Variants in LEMD1 observed in about 807,000 individuals in gnomAD.
The protein encoded by LEMD1 is LEM domain containing 1.
In LEMD1, 18 loss-of-function variants were observed where a neutral mutation model predicts 17.4. The observed-to-expected ratio is 1.04, with a 90% CI of 0.72 to 1.54. The LOEUF is 1.54. Among genes scored for constraint, LEMD1 ranks in the 40% most tolerant of loss-of-function variants. LEMD1 has a pLI of 0.00. For missense variants in LEMD1, 195 were observed against 210.4 expected (o/e 0.93, Z 0.45); for synonymous variants, 88 against 77.8 (o/e 1.13, Z -0.69).
intron 5 of LEMD1, among the ~76,000 whole-genome samples, chr1:205,383,949 A>ATTT (rs112731126): frequency 8.6e-4 from 113 of 130,810 alleles, no homozygotes; most frequent in Non-Finnish European, 1.3e-3. Flanking sequence ...TATCCTTTAC[A>ATTT]TTTTTTTTTT....
intron 1 of LEMD1, among the ~76,000 whole-genome samples, chr1:205,442,601 T>C (rs1575009050): frequency 2.0e-5 from 3 of 152,214 alleles, no homozygotes; most frequent in Admixed American, 2.0e-4. Context: ...CTGTAATTAA[T>C]AGGTGCAATG....
intron 1 of LEMD1, among the ~76,000 whole-genome samples, chr1:205,431,535 GACA>G (rs1371195013): frequency 5.3e-5 from 8 of 152,194 alleles, no homozygotes; most frequent in South Asian, 2.1e-4. Context: ...AGATAGTAAA[GACA>G]ACAAGTCTTG....
chr1:205,402,844 A>T (rs1389848635), intron 4 of LEMD1, among the ~76,000 whole-genome samples: 1 of 151,806 alleles, frequency 6.6e-6, no homozygotes, highest in African/African-American at 2.4e-5. Context: ...GGTTTGTCAT[A>T]GATAGCTCTT....
intron 1 of LEMD1, among the ~76,000 whole-genome samples, chr1:205,446,510 C>A (rs1666391467): frequency 6.6e-6 from 1 of 152,220 alleles, no homozygotes; most frequent in South Asian, 2.1e-4. Context: ...TACCCTTCCT[C>A]CTAGGCTGAG....
At chr1:205,405,109 G>A (rs1463817483) in intron 4 of LEMD1, among the ~76,000 whole-genome samples, 10 of 152,252 alleles carry the variant, frequency 6.6e-5, no homozygotes, top group African/African-American at 2.2e-4. Context: ...TGGGTAACCC[G>A]ACTTTTCTCT....
chr1:205,400,151 T>G (rs971799179), intron 4 of LEMD1, among the ~76,000 whole-genome samples: 1 of 152,168 alleles, frequency 6.6e-6, no homozygotes, highest in Admixed American at 6.6e-5. Flanking sequence ...AGCCTCAATC[T>G]CCCAGGCTCA....
chr1:205,434,414 G>A (rs893660152), intron 1 of LEMD1, among the ~76,000 whole-genome samples: 1 of 151,018 alleles, frequency 6.6e-6, no homozygotes, highest in South Asian at 2.1e-4. Context: ...TGCCCAGGCT[G>A]GTCTTAACTC....
upstream of LEMD1, among the ~76,000 whole-genome samples, chr1:205,424,874 C>T (rs1278880688): frequency 6.6e-6 from 1 of 152,082 alleles, no homozygotes; most frequent in African/African-American, 2.4e-5. Context: ...AGTTTGATAT[C>T]GAGTGGAGGA....
At chr1:205,427,531 G>A (rs983437325) in intron 1 of LEMD1, among the ~76,000 whole-genome samples, 4 of 151,984 alleles carry the variant, frequency 2.6e-5, no homozygotes, top group East Asian at 3.9e-4. Flanking sequence ...CAGACAGAGC[G>A]CACACTCAAG....
At chr1:205,384,483 A>G (rs910232473) in intron 4 of LEMD1, 119 bp from the exon 5 acceptor site, 1 of 557,244 alleles carries the variant, frequency 1.8e-6, no homozygotes, top group Middle Eastern at 3.5e-4. Context: ...CACATTAGGT[A>G]GTTTGGTACT....
intron 1 of LEMD1, chr1:205,449,823 C>G (rs1666463971): frequency 6.6e-6 from 1 of 152,512 alleles, no homozygotes; most frequent in Non-Finnish European, 1.5e-5. Flanking sequence ...AGCTCCCTCC[C>G]AAGGGATGCT....
At chr1:205,403,509 G>C (rs941609502) in intron 4 of LEMD1, among the ~76,000 whole-genome samples, 2 of 151,858 alleles carry the variant, frequency 1.3e-5, no homozygotes, top group African/African-American at 2.4e-5. Context: ...GTAGTATTCT[G>C]TGATGGTAGT....
intron 4 of LEMD1, among the ~76,000 whole-genome samples, chr1:205,410,903 G>C (rs1485768366): frequency 6.6e-6 from 1 of 150,822 alleles, no homozygotes; most frequent in East Asian, 2.0e-4. Flanking sequence ...GCAAAGGAAG[G>C]AAGGAAGGAA....
rs981740883 is a variant in LEMD1 at position 205,381,458 on chromosome 1, T to C, written c.*200A>G. The C allele has an allele frequency of 1.3e-5, 8 of 600,548 alleles. No homozygotes were observed. Among genetic ancestry groups the C allele is most frequent in the South Asian group, 9.9e-5 (5 of 50,730 alleles). 37.2% of individuals were successfully genotyped at this position (600,548 alleles called of 1,614,324 possible). On this transcript the variant is annotated 3_prime_UTR_variant, in exon 6 of 6. Coordinates refer to ENST00000367153, the MANE Select transcript of LEMD1 (RefSeq NM_001199050.2). ...GACTTGGGGGATTTCCTAACCATCA[T>C]GCTCTTAACACAGGTGCCTGGTTAG...
intron 1 of LEMD1, among the ~76,000 whole-genome samples, chr1:205,442,787 A>G (rs1666317492): frequency 6.6e-6 from 1 of 152,102 alleles, no homozygotes; most frequent in South Asian, 2.1e-4. Context: ...CACAACTACT[A>G]TATTTCTAGA....
Position 205,448,269 on chromosome 1 carries a change from T to C in LEMD1, c.-39+1599A>G. 2.0e-6 allele frequency: 1 copy of C among 512,520 alleles called. No homozygotes were observed. The highest frequency in any genetic ancestry group is 4.1e-6 in the Non-Finnish European group (1 of 243,392). The allele number at this position is 512,520 out of a possible 1,614,324, so 31.7% of individuals were successfully genotyped here. A position where few individuals can be genotyped will look rare whatever the true frequency, so the allele number is the denominator to read the frequency against. The stretch of plus-strand genomic sequence containing the variant: ...GCCCCTTGGTGGCTGGCTCCGAACC[T>C]GGTCCCATGGGAGGTGCAGCTGCGC... On this transcript the variant is annotated intron_variant, in intron 1 of 3. Coordinates refer to the LEMD1 transcript ENST00000367154. This position sits in a 1 kb window ranked among gnomAD's most constrained non-coding sequence, Gnocchi z 4.7.
intron 1 of LEMD1, among the ~76,000 whole-genome samples, chr1:205,438,068 G>C (rs1400809926): frequency 6.6e-6 from 1 of 152,230 alleles, no homozygotes; most frequent in Admixed American, 6.5e-5. Context: ...CTTGGGTCCT[G>C]TGGGCCAGGG....
intron 1 of LEMD1, chr1:205,435,932 G>A (rs1666197354): frequency 6.6e-6 from 1 of 152,208 alleles, no homozygotes; most frequent in African/African-American, 2.4e-5. Context: ...CCATCCTCAG[G>A]CCTCTGGGAG....
At chr1:205,397,549 C>G (rs12141590) in intron 4 of LEMD1, among the ~76,000 whole-genome samples, 9,838 of 152,238 alleles carry the variant, frequency 0.065, 417 homozygotes, top group East Asian at 0.11. Flanking sequence ...TATGATCACA[C>G]CACTGCACTT....
Sources: gnomAD v4.1 joint callset for allele counts (sites outside exome capture counted in the v4.1 genomes callset) on GRCh38, gnomAD v4.1.1 for gene constraint, Gnocchi (gnomAD v3.1) non-coding constraint, MANE v1.5 for transcripts, NCBI Gene and HGNC (gene_info 2026-07-23, HGNC 2026-07-21) for gene names.